RALGPS1: variants seen among roughly 807,000 people sequenced by gnomAD.
The protein encoded by RALGPS1 is Ral GEF with PH domain and SH3 binding motif 1.
Under a neutral mutation model 78.8 loss-of-function variants are expected in RALGPS1, and 19 were observed. That is an observed-to-expected ratio of 0.24 (90% CI 0.17 to 0.35). RALGPS1 has a LOEUF of 0.35. Among genes scored for constraint, RALGPS1 ranks in the 10% least tolerant of loss-of-function variants. The probability of loss-of-function intolerance (pLI) is 1.00; values close to 1 mark genes in which losing one functional copy is unlikely to be tolerated. For missense variants in RALGPS1, 454 were observed against 688.3 expected (o/e 0.66, Z 3.81); for synonymous variants, 228 against 256.3 (o/e 0.89, Z 1.06).
At chr9:127,102,825 T>C (rs2053867855) in intron 8 of RALGPS1, among the ~76,000 whole-genome samples, 1 of 152,246 alleles carries the variant, frequency 6.6e-6, no homozygotes, top group Non-Finnish European at 1.5e-5. Context: ...CTGGATTATG[T>C]AGTTTGTACT....
chr9:127,024,901 C>CT (rs1011022379), intron 4 of RALGPS1, among the ~76,000 whole-genome samples: 1 of 151,970 alleles, frequency 6.6e-6, no homozygotes, highest in African/African-American at 2.4e-5. Context: ...GGACTCTTTC[C>CT]TTTTTTTTCC....
At chr9:127,145,740 G>T (rs2058057872) in intron 8 of RALGPS1, among the ~76,000 whole-genome samples, 1 of 152,142 alleles carries the variant, frequency 6.6e-6, no homozygotes, top group Non-Finnish European at 1.5e-5. Context: ...ACTATTCTAG[G>T]CAAAATAATT....
intron 8 of RALGPS1, among the ~76,000 whole-genome samples, chr9:127,092,316 C>T (rs1302167646): frequency 6.6e-6 from 1 of 152,186 alleles, no homozygotes; most frequent in Non-Finnish European, 1.5e-5. Flanking sequence ...TGAGCTTCAC[C>T]TCCTTCTCTG....
At chr9:126,982,967 G>A (rs1313620868) in intron 4 of RALGPS1, among the ~76,000 whole-genome samples, 2 of 81,332 alleles carry the variant, frequency 2.5e-5, no homozygotes, top group Non-Finnish European at 4.5e-5. Context: ...GTGGAGTTTC[G>A]CTCTTGTTGC....
At chr9:127,037,780 G>C (rs552561857) in intron 5 of RALGPS1, among the ~76,000 whole-genome samples, 3 of 152,384 alleles carry the variant, frequency 2.0e-5, no homozygotes, top group African/African-American at 7.2e-5. Context: ...CTGGAATTGA[G>C]ACTCAGTGGC....
chr9:126,932,208 C>T (rs752333217), intron 1 of RALGPS1, among the ~76,000 whole-genome samples: 54 of 152,224 alleles, frequency 3.5e-4, no homozygotes, highest in Non-Finnish European at 7.1e-4. Flanking sequence ...ATCTTTCTTA[C>T]TAGAATGGCT....
intron 8 of RALGPS1, chr9:127,089,083 G>A: frequency 6.2e-7 from 1 of 1,614,238 alleles, no homozygotes; most frequent in Non-Finnish European, 8.5e-7. Flanking sequence ...CGTTGAGGTT[G>A]GAGTGGGCAC....
In RALGPS1 at chr9:127,154,388, G is replaced by A. The variant is rs572281442; in HGVS notation, c.611-11681G>A. Among the ~76,000 whole-genome samples, 11 of 152,332 alleles carry A rather than the reference G, an allele frequency of 7.2e-5. No homozygotes were observed. In the East Asian group the frequency reaches 2.1e-3, roughly 29 times the overall value. Reference sequence around the variant, plus strand: ...TGAAAGCCTGCGACCTCCCCATGAGGACTCACATCCTCTCATCTCCGTTGA... The same window carrying A: ...TGAAAGCCTGCGACCTCCCCATGAGAACTCACATCCTCTCATCTCCGTTGA... On this transcript the variant is annotated intron_variant, in intron 8 of 18. Transcript: ENST00000259351.
chr9:127,123,422 A>G (rs1272868876), intron 8 of RALGPS1, among the ~76,000 whole-genome samples: 1 of 152,188 alleles, frequency 6.6e-6, no homozygotes, highest in Non-Finnish European at 1.5e-5. Context: ...TCTACCTGCA[A>G]CAGCTGCAGC....
At chr9:127,190,637 A>G (rs999000630) in intron 11 of RALGPS1, among the ~76,000 whole-genome samples, 76 of 152,114 alleles carry the variant, frequency 5.0e-4, no homozygotes, top group African/African-American at 1.8e-3. Flanking sequence ...TCATTTATCT[A>G]TTTCCCTACT....
chr9:127,139,335 CCAGGT>C (rs1362312788), intron 8 of RALGPS1, among the ~76,000 whole-genome samples: 1 of 152,214 alleles, frequency 6.6e-6, no homozygotes, highest in African/African-American at 2.4e-5. Context: ...GGCAGACTCC[CCAGGT>C]CAGGCCACCC....
At chr9:127,070,185 A>C (rs1036635798) in intron 8 of RALGPS1, among the ~76,000 whole-genome samples, 1 of 152,328 alleles carries the variant, frequency 6.6e-6, no homozygotes, top group South Asian at 2.1e-4. Context: ...TGCAGTTCAC[A>C]GTAGGGTTCG....
intron 14 of RALGPS1, among the ~76,000 whole-genome samples, chr9:127,202,872 C>T (rs2061714244): frequency 6.6e-6 from 1 of 152,138 alleles, no homozygotes; most frequent in African/African-American, 2.4e-5. Flanking sequence ...CCCCAGCACA[C>T]TCTGCTCTCC....
intron 3 of RALGPS1, among the ~76,000 whole-genome samples, chr9:126,971,253 A>G (rs1303320276): frequency 1.3e-5 from 2 of 152,076 alleles, no homozygotes; most frequent in Non-Finnish European, 2.9e-5. Context: ...TAAAACTAAA[A>G]TTTAGGAAAA....
intron 8 of RALGPS1, among the ~76,000 whole-genome samples, chr9:127,153,617 C>G (rs561092600): frequency 6.6e-6 from 1 of 152,136 alleles, no homozygotes; most frequent in African/African-American, 2.4e-5. Context: ...TTCCTAAGCA[C>G]ATCACCCTGT....
chr9:127,094,435 A>T (rs1190538594), intron 8 of RALGPS1, among the ~76,000 whole-genome samples: 1 of 152,252 alleles, frequency 6.6e-6, no homozygotes, highest in Non-Finnish European at 1.5e-5. Context: ...CTGGGGGCCA[A>T]GTACAGTTGG....
intron 4 of RALGPS1, among the ~76,000 whole-genome samples, chr9:127,004,783 T>C (rs2043676712): frequency 6.6e-6 from 1 of 152,228 alleles, no homozygotes; most frequent in Non-Finnish European, 1.5e-5. Context: ...GATAGGCTTC[T>C]TGTCAGTGGT....
chr9:127,046,186 T>C (rs2047754996), intron 5 of RALGPS1, among the ~76,000 whole-genome samples: 1 of 152,176 alleles, frequency 6.6e-6, no homozygotes, highest in Non-Finnish European at 1.5e-5. Context: ...CTGATATAAA[T>C]AAATGTGGAA....
chr9:127,195,001 G>A (rs972873738), intron 11 of RALGPS1, 90 bp from the exon 12 acceptor site: 41 of 1,505,176 alleles, frequency 2.7e-5, no homozygotes, highest in South Asian at 2.2e-4. Flanking sequence ...CTTCAAACCC[G>A]GGGCCCACCT....
Sources: allele counts gnomAD v4.1 joint callset (sites outside exome capture counted in the v4.1 genomes callset), GRCh38; gene constraint gnomAD v4.1.1; transcripts MANE v1.5; gene names NCBI Gene and HGNC (gene_info 2026-07-23, HGNC 2026-07-21).